FOXP2: variants seen among roughly 807,000 people sequenced by gnomAD.
The protein encoded by FOXP2 is forkhead box protein P2.
FOXP2 carries 12 observed loss-of-function variants against 115.8 expected under a neutral mutation model. The observed-to-expected ratio is 0.10, with a 90% CI of 0.07 to 0.17. The LOEUF (loss-of-function observed/expected upper bound fraction) is 0.17, where lower values mean the gene tolerates loss of function less well. Ranked by LOEUF, FOXP2 falls within the 10% of genes least tolerant of loss-of-function variation. FOXP2 has a pLI of 1.00. For missense variants in FOXP2, 629 were observed against 843.5 expected (o/e 0.75, Z 3.15); for synonymous variants, 328 against 297.7 (o/e 1.10, Z -1.05).
chr7:114,666,836 G>A (rs1019664792), intron 16 of FOXP2: 1 of 151,988 alleles, frequency 6.6e-6, no homozygotes, highest in African/African-American at 2.4e-5. Context: ...CTGAAAATGA[G>A]GTAAGTAATA....
chr7:114,571,889 C>A (rs1180922359), intron 3 of FOXP2, among the ~76,000 whole-genome samples: 2 of 151,682 alleles, frequency 1.3e-5, no homozygotes, highest in Non-Finnish European at 3.0e-5. Context: ...TTGCTTGTTT[C>A]CTTAAGAACT....
At chr7:114,549,827 A>G (rs1333361727) in intron 3 of FOXP2, among the ~76,000 whole-genome samples, 1 of 152,196 alleles carries the variant, frequency 6.6e-6, no homozygotes, top group African/African-American at 2.4e-5. Flanking sequence ...TTAAAGAAAT[A>G]CATTATAAAT....
At chr7:114,504,660 A>G (rs943851913) in intron 2 of FOXP2, among the ~76,000 whole-genome samples, 6 of 151,724 alleles carry the variant, frequency 4.0e-5, no homozygotes, top group African/African-American at 1.2e-4. Flanking sequence ...AGTCATGCAG[A>G]GAATGTCATG....
intron 2 of FOXP2, among the ~76,000 whole-genome samples, chr7:114,391,897 G>C (rs768764560): frequency 6.6e-6 from 1 of 152,038 alleles, no homozygotes; most frequent in Non-Finnish European, 1.5e-5. Flanking sequence ...AAGCATACTA[G>C]GTCTTTAGAA....
At chr7:114,475,502 C>G (rs1276941865) in intron 2 of FOXP2, among the ~76,000 whole-genome samples, 1 of 151,956 alleles carries the variant, frequency 6.6e-6, no homozygotes, top group East Asian at 1.9e-4. Flanking sequence ...CCATGACAGC[C>G]AGCAGATAGG....
chr7:114,423,048 C>T (rs1793686185), intron 1 of FOXP2, among the ~76,000 whole-genome samples: 1 of 151,658 alleles, frequency 6.6e-6, no homozygotes, highest in Non-Finnish European at 1.5e-5. Flanking sequence ...GTTGTGCACG[C>T]TTTATTCAAG....
intron 1 of FOXP2, among the ~76,000 whole-genome samples, chr7:114,423,334 G>T (rs1793698924): frequency 6.6e-6 from 1 of 151,630 alleles, no homozygotes; most frequent in Non-Finnish European, 1.5e-5. Flanking sequence ...AAGGGAAGTG[G>T]TGTAGAGAAT....
At chr7:114,669,678 G>T (rs1229941091) in intron 16 of FOXP2, 1 of 152,030 alleles carries the variant, frequency 6.6e-6, no homozygotes, top group East Asian at 1.9e-4. Context: ...TCTCTCATGT[G>T]TTGGACTTAA....
rs1265504308 is a variant in FOXP2 at position 114,640,220 on chromosome 7, T to A, written c.776-2190T>A. 3.9e-5 allele frequency among the ~76,000 whole-genome samples: 6 copies of A among 152,308 alleles called. No individual in the cohort carries two copies. In the East Asian group the frequency reaches 1.2e-3, roughly 29 times the overall value. On this transcript the variant is annotated intron_variant, in intron 6 of 16. Coordinates refer to ENST00000350908, the MANE Select transcript of FOXP2 (RefSeq NM_014491.4). ...TTTACTGTCAGAAGAGTTTCAGAAT[T>A]CTAGGTTAAAGCAATAATTATAGAT...
chr7:114,460,854 A>G (rs1464292094), intron 2 of FOXP2, among the ~76,000 whole-genome samples: 2 of 152,202 alleles, frequency 1.3e-5, no homozygotes, highest in African/African-American at 4.8e-5. Context: ...ATGGGAGGAA[A>G]GTGGAGGGAG....
At position 114,630,012 on chromosome 7, in the gene FOXP2, TC is replaced by T; in HGVS notation, c.597+9del. ...TGGAAAGCAAGCGAAAGAGGTAGGA[TC>T]CGGTTATCTCATTGATACATAACAG... On this transcript the variant is annotated splice_region_variant and intron_variant, in intron 5 of 16. Coordinates refer to ENST00000350908, the MANE Select transcript of FOXP2 (RefSeq NM_014491.4). 2 of 1,600,774 alleles carry T rather than the reference TC, an allele frequency of 1.2e-6. No homozygotes were observed. The highest frequency in any genetic ancestry group is 1.7e-6 in the Non-Finnish European group (2 of 1,177,588).
intron 3 of FOXP2, among the ~76,000 whole-genome samples, chr7:114,574,784 G>C (rs1015643626): frequency 6.6e-6 from 1 of 151,800 alleles, no homozygotes; most frequent in Admixed American, 6.6e-5. Flanking sequence ...TTTGTCTTTG[G>C]CTCTTATTTT....
At chr7:114,390,522 G>GTATTTATTTATTTATGTATTTATT (rs1792567567) in intron 2 of FOXP2, among the ~76,000 whole-genome samples, 5 of 148,264 alleles carry the variant, frequency 3.4e-5, no homozygotes, top group African/African-American at 1.2e-4. Context: ...TTTTATTTAT[G>GTATTTATTTATTTATGTATTTATT]TATTTATTTA....
At chr7:114,234,340 G>A (rs990399793) in intron 1 of FOXP2, among the ~76,000 whole-genome samples, 2 of 152,136 alleles carry the variant, frequency 1.3e-5, no homozygotes, top group African/African-American at 4.8e-5. Flanking sequence ...TCTCAATGCA[G>A]GTTAAAATGA....
chr7:114,092,405 A>G (rs983410811), intron 1 of FOXP2, among the ~76,000 whole-genome samples: 1 of 151,914 alleles, frequency 6.6e-6, no homozygotes, highest in Non-Finnish European at 1.5e-5. Context: ...ATTTTCTGGT[A>G]TTTAATTTTA....
At chr7:114,457,542 T>G (rs1421115034) in intron 2 of FOXP2, among the ~76,000 whole-genome samples, 2 of 152,176 alleles carry the variant, frequency 1.3e-5, no homozygotes, top group African/African-American at 4.8e-5. Flanking sequence ...ATTTATAGAT[T>G]TTTGAAAAGC....
At chr7:114,416,677 A>T (rs1793360854) in intron 1 of FOXP2, among the ~76,000 whole-genome samples, 1 of 151,992 alleles carries the variant, frequency 6.6e-6, no homozygotes, top group Admixed American at 6.6e-5. Flanking sequence ...TAGTTGATTC[A>T]TAATGCCCTT....
chr7:114,115,736 C>A (rs1791390642), intron 1 of FOXP2, among the ~76,000 whole-genome samples: 1 of 152,112 alleles, frequency 6.6e-6, no homozygotes, highest in African/African-American at 2.4e-5. Flanking sequence ...CATAATGACA[C>A]ATTCATCATG....
chr7:114,345,945 C>G (rs1791336301), intron 2 of FOXP2, among the ~76,000 whole-genome samples: 1 of 151,668 alleles, frequency 6.6e-6, no homozygotes, highest in Non-Finnish European at 1.5e-5. Context: ...CCTAGAATCA[C>G]ATTATACCTT....
Sources: allele counts gnomAD v4.1 joint callset (sites outside exome capture counted in the v4.1 genomes callset), GRCh38; gene constraint gnomAD v4.1.1; transcripts MANE v1.5; gene names NCBI Gene and HGNC (gene_info 2026-07-23, HGNC 2026-07-21).